The following ELK3 variants were observed in gnomAD, a reference collection of about 807,000 sequenced individuals.
ELK3 encodes ETS transcription factor ELK3.
Under a neutral mutation model 28.9 loss-of-function variants are expected in ELK3, and 10 were observed. The observed-to-expected ratio is 0.35, with a 90% CI of 0.21 to 0.59. ELK3 has a LOEUF of 0.59. Ranked by LOEUF, ELK3 falls within the 20% of genes least tolerant of loss-of-function variation. The pLI, the probability that ELK3 is intolerant of heterozygous loss-of-function variation, is 0.82. For synonymous variants in ELK3, 272 were observed against 243.5 expected, an observed-to-expected ratio of 1.12 and a Z score of -1.09; for missense variants, 463 against 517.3, an observed-to-expected ratio of 0.90 and a Z score of 1.02.
chr12:96,232,058 A>C (rs190180450), intron 2 of ELK3, among the ~76,000 whole-genome samples: 3 of 152,176 alleles, frequency 2.0e-5, no homozygotes, highest in African/African-American at 7.2e-5. Flanking sequence ...TCTGGATCTT[A>C]AGGAATGAGA....
intron 1 of ELK3, among the ~76,000 whole-genome samples, chr12:96,215,867 C>T (rs745684248): frequency 1.4e-4 from 22 of 152,214 alleles, no homozygotes; most frequent in South Asian, 4.2e-4. Flanking sequence ...TTCCTGGGCT[C>T]AAGCGATCCA....
intron 3 of ELK3, among the ~76,000 whole-genome samples, chr12:96,251,542 G>T (rs1160822309): frequency 6.6e-6 from 1 of 152,160 alleles, no homozygotes; most frequent in Admixed American, 6.5e-5. Context: ...AAAGCTAGGG[G>T]GCTCTTATAC....
chr12:96,259,681 C>A, intron 3 of ELK3, 50 bp from the exon 4 acceptor site: 1 of 1,567,332 alleles, frequency 6.4e-7, no homozygotes, highest in Non-Finnish European at 8.7e-7. Flanking sequence ...TTGATCATGG[C>A]CCAAGTCAGG....
chr12:96,206,732 GC>G (rs1488018486), intron 1 of ELK3, among the ~76,000 whole-genome samples: 1 of 152,198 alleles, frequency 6.6e-6, no homozygotes, highest in Admixed American at 6.5e-5. Flanking sequence ...AAAAGGGACT[GC>G]CCAAGCCAGT....
rs767873072 is a variant in ELK3, at chr12:96,247,445, C to G, written c.713C>G (p.Pro238Arg). Residue 238 changes from proline to arginine, a missense_variant, in exon 3 of 5, where the codon CCC (proline) becomes CGC (arginine). Pro to Arg is a moderately radical substitution (Grantham distance 103). Coordinates refer to ENST00000228741, the MANE Select transcript of ELK3 (RefSeq NM_005230.4). The surrounding 1 kb of genome is among the most constrained non-coding windows in gnomAD (Gnocchi z 5.5). ...PNAASISSAS[P>R]FSSRSPSLSP... is the part of the protein sequence containing the mutation. ...GCTGCCAGTATTTCATCCGCCTCAC[C>G]CTTCTCATCTCGGTCCCCGTCCCTG... 5 of 1,614,170 alleles carry G rather than the reference C, an allele frequency of 3.1e-6. No individual in the cohort carries two copies. The highest frequency in any genetic ancestry group is 4.2e-6 in the Non-Finnish European group (5 of 1,180,026).
In ELK3 at chr12:96,267,282, T is replaced by TA; in HGVS notation, c.*104dup. On this transcript the variant is annotated 3_prime_UTR_variant, in exon 5 of 5. Coordinates refer to ENST00000228741, the MANE Select transcript of ELK3 (RefSeq NM_005230.4). ...GAGAAGGACATTGTGAAACTCTTGT[T>TA]AATTTGGTTTGCACTTTTCATAACA... The TA allele has an allele frequency of 9.9e-7, 1 of 1,007,842 alleles. No individual in the cohort carries two copies. Among genetic ancestry groups the TA allele is most frequent in the Non-Finnish European group, 1.4e-6 (1 of 699,656 alleles). 62.4% of individuals were successfully genotyped at this position (1,007,842 alleles called of 1,614,324 possible). A position where few individuals can be genotyped will look rare whatever the true frequency, so the allele number is the denominator to read the frequency against.
intron 2 of ELK3, among the ~76,000 whole-genome samples, chr12:96,238,281 G>T (rs1305222959): frequency 6.6e-6 from 1 of 152,202 alleles, no homozygotes; most frequent in Admixed American, 6.5e-5. Context: ...TGAGTCTTTA[G>T]AAAAAATTAG....
At chr12:96,208,786 G>A (rs1333757093) in intron 1 of ELK3, among the ~76,000 whole-genome samples, 1 of 152,206 alleles carries the variant, frequency 6.6e-6, no homozygotes, top group Non-Finnish European at 1.5e-5. Context: ...GGAGGAAGAG[G>A]CTCTATAACT....
intron 1 of ELK3, among the ~76,000 whole-genome samples, chr12:96,199,170 G>C (rs7959220): frequency 1 from 151,740 of 152,304 alleles, 75,588 homozygotes; most frequent in Middle Eastern, 1. Flanking sequence ...CACTACACAT[G>C]AAAATAGAAT....
intron 4 of ELK3, among the ~76,000 whole-genome samples, chr12:96,265,469 T>TGAGCTCAG (rs1337873833): frequency 6.6e-6 from 1 of 152,116 alleles, no homozygotes; most frequent in African/African-American, 2.4e-5. Context: ...GCCAGTTGCT[T>TGAGCTCAG]GAGCTCAGGA....
chr12:96,250,826 G>C (rs2137035969), intron 3 of ELK3, among the ~76,000 whole-genome samples: 1 of 152,286 alleles, frequency 6.6e-6, no homozygotes, highest in African/African-American at 2.4e-5. Context: ...AGAGGTGAAA[G>C]CTGTGTGTGC....
intron 2 of ELK3, among the ~76,000 whole-genome samples, chr12:96,228,860 C>T (rs534241060): frequency 2.0e-5 from 3 of 152,338 alleles, no homozygotes; most frequent in Middle Eastern, 3.4e-3. Flanking sequence ...GTGATGGGAA[C>T]AGCACCCTTC....
At chr12:96,199,480 C>CT (rs140413820) in intron 1 of ELK3, among the ~76,000 whole-genome samples, 1 of 146,384 alleles carries the variant, frequency 6.8e-6, no homozygotes, top group East Asian at 2.0e-4. Flanking sequence ...ATAAAATTAG[C>CT]TGTGTGTGTG....
intron 1 of ELK3, among the ~76,000 whole-genome samples, chr12:96,214,489 T>C (rs1175598732): frequency 2.0e-5 from 3 of 151,898 alleles, no homozygotes; most frequent in African/African-American, 7.3e-5. Flanking sequence ...TTGCAGACTG[T>C]AAAGAGTAAG....
chr12:96,253,520 A>G lies in ELK3; in HGVS notation c.1002+5786A>G, dbSNP rs187479173. Among the ~76,000 whole-genome samples, 3 of 152,296 alleles carry G rather than the reference A, an allele frequency of 2.0e-5. No individual in the cohort carries two copies. In the East Asian group the frequency reaches 5.8e-4, roughly 29 times the overall value. ...CTCACCTTTTAAAGACCTTAAAACC[A>G]TGGTTTCACTTGAATTCAGACAACT... On this transcript the variant is annotated intron_variant, in intron 3 of 4. Transcript: ENST00000228741.
intron 1 of ELK3, among the ~76,000 whole-genome samples, chr12:96,205,445 AT>A (rs1951533358): frequency 6.6e-6 from 1 of 152,148 alleles, no homozygotes; most frequent in African/African-American, 2.4e-5. Context: ...GCTACTGATC[AT>A]TTAGACCAGA....
At chr12:96,225,625 G>C (rs904674132) in intron 2 of ELK3, among the ~76,000 whole-genome samples, 1 of 152,168 alleles carries the variant, frequency 6.6e-6, no homozygotes, top group Non-Finnish European at 1.5e-5. Context: ...ATGAGAACGT[G>C]GAGGCTTGGA....
chr12:96,200,718 A>G (rs1415320569), intron 1 of ELK3, among the ~76,000 whole-genome samples: 4 of 152,134 alleles, frequency 2.6e-5, no homozygotes, highest in Admixed American at 2.6e-4. Flanking sequence ...GCTGGAGTGC[A>G]GTGGTGCAAG....
At chr12:96,230,565 C>A (rs937190414) in intron 2 of ELK3, among the ~76,000 whole-genome samples, 34 of 152,176 alleles carry the variant, frequency 2.2e-4, no homozygotes, top group Non-Finnish European at 5.9e-5. Context: ...AAAGACACAT[C>A]GCTGAGCCAA....
Sources: gnomAD v4.1 joint callset for allele counts (sites outside exome capture counted in the v4.1 genomes callset) on GRCh38, gnomAD v4.1.1 for gene constraint, Gnocchi (gnomAD v3.1) non-coding constraint, MANE v1.5 for transcripts, NCBI Gene and HGNC (gene_info 2026-07-23, HGNC 2026-07-21) for gene names.